The following PAFAH1B2 variants were observed in gnomAD, a reference collection of about 807,000 sequenced individuals.
The protein encoded by PAFAH1B2 is platelet-activating factor acetylhydrolase IB subunit alpha2.
A neutral mutation model predicts 28.0 loss-of-function variants in PAFAH1B2; 8 were observed. The observed-to-expected ratio is 0.29, with a 90% confidence interval of 0.17 to 0.52. PAFAH1B2 has a LOEUF of 0.52. Among genes scored for constraint, PAFAH1B2 ranks in the 20% least tolerant of loss-of-function variants. The pLI, the probability that PAFAH1B2 is intolerant of heterozygous loss-of-function variation, is 0.97. For missense variants in PAFAH1B2, 190 were observed against 282.6 expected (o/e 0.67, Z 2.35); for synonymous variants, 104 against 103.2 (o/e 1.01, Z -0.05).
rs1442301823 is a variant in PAFAH1B2 at position 117,159,999 on chromosome 11, G to A, written c.147G>A (p.Met49Ile). The change falls in exon 3 of 6, where the codon ATG (methionine) becomes ATA (isoleucine). Residue 49 changes from methionine (M) to isoleucine (I), a missense_variant. By Grantham distance (10) the Met-to-Ile change is conservative (BLOSUM62 1). Coordinates refer to ENST00000527958, the MANE Select transcript of PAFAH1B2 (RefSeq NM_002572.4). ...EPDVLFVGDS[M>I]VQLMQQYEIW... is the part of the protein sequence containing the mutation. ...ATGTACTGTTCGTGGGAGACTCCATGGTGCAGTTAATGCAGCAATATGAGG... is the reference window on the plus strand; with the variant it reads ...ATGTACTGTTCGTGGGAGACTCCATAGTGCAGTTAATGCAGCAATATGAGG... The A allele has an allele frequency of 6.2e-7, 1 of 1,613,408 alleles. No homozygotes were observed. The highest frequency in any genetic ancestry group is 8.5e-7 in the Non-Finnish European group (1 of 1,179,370).
intron 1 of PAFAH1B2, among the ~76,000 whole-genome samples, chr11:117,149,457 C>T (rs1345070887): frequency 1.6e-4 from 2 of 12,284 alleles, no homozygotes; most frequent in Admixed American, 7.9e-4. Flanking sequence ...GATGGAGTCT[C>T]GCTCTGTCCC....
At chr11:117,149,430 G>GTTTTTTTTTTTTTTT (rs746125678) in intron 1 of PAFAH1B2, among the ~76,000 whole-genome samples, 4,917 of 85,886 alleles carry the variant, frequency 0.057, 1,408 homozygotes, top group South Asian at 0.066. Flanking sequence ...TTTTCTAATC[G>GTTTTTTTTTTTTTTT]TTTTTTTTTT....
chr11:117,158,344 A>G (rs948864100), intron 2 of PAFAH1B2, among the ~76,000 whole-genome samples: 1 of 152,076 alleles, frequency 6.6e-6, no homozygotes. Flanking sequence ...CACCTGGCCA[A>G]AATCTATTTT....
chr11:117,168,611 C>G lies in PAFAH1B2; in HGVS notation c.*912C>G, dbSNP rs538691858. ...TGTGTGGTGTTCTGTGCTATAGATT[C>G]TGTGTATTGCTGTTCATATTCGGAG... On this transcript the variant is annotated 3_prime_UTR_variant, in exon 6 of 6. Coordinates refer to ENST00000527958, the MANE Select transcript of PAFAH1B2 (RefSeq NM_002572.4). 3.8e-6 allele frequency: 4 copies of G among 1,063,178 alleles called. No individual in the cohort carries two copies. In the African/African-American group the frequency reaches 4.9e-5, roughly 13 times the overall value. 65.9% of individuals were successfully genotyped at this position (1,063,178 alleles called of 1,614,324 possible).
At position 117,169,784 on chromosome 11, in the gene PAFAH1B2, A is replaced by C; in HGVS notation, c.*2085A>C. 9.5e-7 allele frequency: 1 copy of C among 1,056,572 alleles called. No homozygotes were observed. The allele number at this position is 1,056,572 out of a possible 1,614,324, so 65.4% of individuals were successfully genotyped here. ...TATAGTTGTATAGCAAGAAGAATTA[A>C]GCCAGATTTTTGTGTGTGGAAAGAC... On this transcript the variant is annotated 3_prime_UTR_variant, in exon 6 of 6. Transcript: ENST00000527958.
chr11:117,172,421 T>A (rs111254538), downstream of PAFAH1B2, among the ~76,000 whole-genome samples: 3 of 47,844 alleles, frequency 6.3e-5, no homozygotes, highest in African/African-American at 1.2e-4. Flanking sequence ...TTTTTTTTTT[T>A]TTTTTTTTAC....
intron 1 of PAFAH1B2, among the ~76,000 whole-genome samples, chr11:117,149,855 A>G (rs1956108029): frequency 3.3e-5 from 5 of 152,052 alleles, no homozygotes; most frequent in Admixed American, 3.3e-4. Context: ...AAAATACCCT[A>G]GGCTGGGCAG....
chr11:117,167,418 C>T lies in PAFAH1B2; in HGVS notation c.412-3C>T. Reference sequence around the variant, plus strand: ...TAATTTAATGTTTTCCACTGTGCCCCAGGGTTTGTTACCTCGAGGTGAGAA... The same window carrying T: ...TAATTTAATGTTTTCCACTGTGCCCTAGGGTTTGTTACCTCGAGGTGAGAA... On this transcript the variant is annotated splice_region_variant and splice_polypyrimidine_tract_variant and intron_variant, in intron 5 of 5. Coordinates refer to ENST00000527958, the MANE Select transcript of PAFAH1B2 (RefSeq NM_002572.4). 3 of 1,575,040 alleles carry T rather than the reference C, an allele frequency of 1.9e-6. No individual in the cohort carries two copies. Among genetic ancestry groups the T allele is most frequent in the South Asian group, 1.2e-5 (1 of 86,358 alleles).
intron 3 of PAFAH1B2, among the ~76,000 whole-genome samples, chr11:117,160,878 G>T (rs1004781470): frequency 1.3e-5 from 2 of 151,276 alleles, no homozygotes; most frequent in African/African-American, 4.9e-5. Context: ...AGGAGGGTTT[G>T]TTGAGTTGAC....
In PAFAH1B2 at chr11:117,170,684, A is replaced by G; in HGVS notation, c.*2985A>G. 9.4e-7 allele frequency: 1 copy of G among 1,058,516 alleles called. No individual in the cohort carries two copies. Among genetic ancestry groups the G allele is most frequent in the Non-Finnish European group, 1.1e-6 (1 of 875,496 alleles). The allele number at this position is 1,058,516 out of a possible 1,614,324, so 65.6% of individuals were successfully genotyped here. On this transcript the variant is annotated 3_prime_UTR_variant, in exon 6 of 6. Transcript: ENST00000527958. ...TTTATTTTATTTTTTTAACCTAGTC[A>G]CTGTTTACAATTGTATGCTAAAGCC...
In PAFAH1B2 at chr11:117,144,310, G is replaced by A. The variant is rs757515444; in HGVS notation, c.-116G>A. On this transcript the variant is annotated 5_prime_UTR_variant, in exon 1 of 6. Transcript: ENST00000527958. ...GTGGAGGAGCTGCTGCTGGTGCTGG[G>A]GCCGGAGGAGGGACGCGCCGGAGCG... The A allele has an allele frequency of 1.3e-4, 50 of 396,412 alleles. No individual in the cohort carries two copies. The highest frequency in any genetic ancestry group is 2.5e-4 in the Non-Finnish European group (48 of 193,106). 24.6% of individuals were successfully genotyped at this position (396,412 alleles called of 1,614,324 possible). A position where few individuals can be genotyped will look rare whatever the true frequency, so the allele number is the denominator to read the frequency against.
chr11:117,149,694 A>G (rs1269309877), intron 1 of PAFAH1B2, among the ~76,000 whole-genome samples: 2 of 151,788 alleles, frequency 1.3e-5, no homozygotes, highest in African/African-American at 4.8e-5. Context: ...GGCCTCCCAA[A>G]GTGCTGGGAT....
At chr11:117,175,750 C>T (rs1199740574), downstream of PAFAH1B2, 10 of 1,059,110 alleles carry the variant, frequency 9.4e-6, no homozygotes, top group South Asian at 1.7e-5. Flanking sequence ...TTAAAACAGG[C>T]GTAGGGTCAC....
chr11:117,153,107 C>G (rs1956188527), intron 2 of PAFAH1B2, among the ~76,000 whole-genome samples: 1 of 152,090 alleles, frequency 6.6e-6, no homozygotes, highest in Non-Finnish European at 1.5e-5. Context: ...ACCTTGTGAC[C>G]CGTGACAGGT....
intron 1 of PAFAH1B2, among the ~76,000 whole-genome samples, chr11:117,147,933 T>C (rs141000504): frequency 2.7e-4 from 41 of 152,312 alleles, no homozygotes; most frequent in African/African-American, 9.6e-4. Flanking sequence ...TGAAGAAATT[T>C]AGGGTTGAGA....
At chr11:117,177,599 A>G (rs2030055434), downstream of PAFAH1B2, among the ~76,000 whole-genome samples, 1 of 152,236 alleles carries the variant, frequency 6.6e-6, no homozygotes, top group African/African-American at 2.4e-5. Flanking sequence ...CAGGAGCATG[A>G]TCTCAGCTCA....
chr11:117,156,365 T>C (rs1156317412), intron 2 of PAFAH1B2, among the ~76,000 whole-genome samples: 3 of 152,198 alleles, frequency 2.0e-5, no homozygotes. Flanking sequence ...TGCCAGCAGA[T>C]GTTAAAACCA....
intron 2 of PAFAH1B2, among the ~76,000 whole-genome samples, chr11:117,155,690 TTATATA>T (rs147864583): frequency 5.3e-5 from 8 of 150,598 alleles, no homozygotes; most frequent in East Asian, 1.9e-4. Context: ...GTAGGAAAAA[TTATATA>T]TATATATATC....
chr11:117,152,936 G>T (rs2134178547), intron 2 of PAFAH1B2, among the ~76,000 whole-genome samples: 1 of 152,286 alleles, frequency 6.6e-6, no homozygotes, highest in East Asian at 1.9e-4. Flanking sequence ...TGTGGTGGCA[G>T]GCGCCTATAG....
Sources: gnomAD v4.1 joint callset for allele counts (sites outside exome capture counted in the v4.1 genomes callset) on GRCh38, gnomAD v4.1.1 for gene constraint, MANE v1.5 for transcripts, NCBI Gene and HGNC (gene_info 2026-07-23, HGNC 2026-07-21) for gene names.